CAPRIN2: variants seen among roughly 807,000 people sequenced by gnomAD.
The protein encoded by CAPRIN2 is caprin-2.
A neutral mutation model predicts 130.4 loss-of-function variants in CAPRIN2; 66 were observed. That is an observed-to-expected ratio of 0.51 (90% CI 0.42 to 0.62). CAPRIN2 has a LOEUF of 0.62. CAPRIN2 is among the 20% of genes least tolerant of loss of function. CAPRIN2 has a pLI of 0.00. For missense variants in CAPRIN2, 1,185 were observed against 1,246.6 expected, an observed-to-expected ratio of 0.95 and a Z score of 0.74; for synonymous variants, 471 against 444.1, an observed-to-expected ratio of 1.06 and a Z score of -0.76.
intron 13 of CAPRIN2, chr12:30,715,346 GAAGA>G: frequency 1.6e-6 from 1 of 639,078 alleles, no homozygotes; most frequent in South Asian, 1.6e-5. Context: ...CCTAAAAAAG[GAAGA>G]AAATTTTGAC....
At chr12:30,741,655 G>A (rs751180100) in intron 2 of CAPRIN2, among the ~76,000 whole-genome samples, 20 of 152,158 alleles carry the variant, frequency 1.3e-4, no homozygotes, top group Admixed American at 2.0e-4. Context: ...ACAGAAAAGA[G>A]GGGGGCATTT....
chr12:30,732,469 T>C (rs2063068172), intron 5 of CAPRIN2, among the ~76,000 whole-genome samples: 1 of 151,956 alleles, frequency 6.6e-6, no homozygotes, highest in South Asian at 2.1e-4. Context: ...TTTTAACAGA[T>C]ATTTAGTTGT....
Position 30,710,058 on chromosome 12 carries a change from G to A in CAPRIN2, c.3078C>T (p.Ala1026=), listed in dbSNP as rs1400936699. Reference sequence around the variant, plus strand: ...TTTCATGGTCTGGAGCACCATCATTGGCATAGGCTGATACCAAGACCTCTT... The same window carrying A: ...TTTCATGGTCTGGAGCACCATCATTAGCATAGGCTGATACCAAGACCTCTT... The change falls in exon 17 of 17, where the codon GCC becomes GCT. Residue 1026 remains alanine, a synonymous_variant. Transcript: ENST00000298892. This position sits in a 1 kb window ranked among gnomAD's most constrained non-coding sequence, Gnocchi z 4.8. 1 of 1,614,114 alleles carries A rather than the reference G, an allele frequency of 6.2e-7. No individual in the cohort carries two copies.
chr12:30,729,137 C>A, exon 8 of CAPRIN2: 1 of 1,613,942 alleles, frequency 6.2e-7, no homozygotes, highest in Non-Finnish European at 8.5e-7. Flanking sequence ...GCTTGGATAC[C>A]TCCTGGTGCT....
At chr12:30,740,293 T>C (rs2066840339) in intron 3 of CAPRIN2, among the ~76,000 whole-genome samples, 1 of 151,966 alleles carries the variant, frequency 6.6e-6, no homozygotes, top group South Asian at 2.1e-4. Context: ...AAAATATAAA[T>C]TTTTTTAATG....
At chr12:30,729,497 AC>A (rs1233659476) in intron 7 of CAPRIN2, among the ~76,000 whole-genome samples, 172 bp from the exon 9 acceptor site, 1 of 152,074 alleles carries the variant, frequency 6.6e-6, no homozygotes, top group Non-Finnish European at 1.5e-5. Context: ...CTACTTTCCT[AC>A]TTTTCTGTCC....
intron 8 of CAPRIN2, among the ~76,000 whole-genome samples, chr12:30,726,522 A>G (rs765359659): frequency 2.6e-5 from 4 of 152,334 alleles, no homozygotes; most frequent in South Asian, 2.1e-4. Context: ...AAATACATAT[A>G]TAAGTACATA....
At chr12:30,748,689 C>T (rs2072012616) in intron 2 of CAPRIN2, among the ~76,000 whole-genome samples, 1 of 152,102 alleles carries the variant, frequency 6.6e-6, no homozygotes, top group Non-Finnish European at 1.5e-5. Context: ...GACTTATCTG[C>T]ATTTTCTAAA....
At chr12:30,751,671 A>C (rs1022961421) in intron 1 of CAPRIN2, 1 of 154,776 alleles carries the variant, frequency 6.5e-6, no homozygotes, top group African/African-American at 2.4e-5. Flanking sequence ...GAGGTTACGA[A>C]GTCCTACTCT....
intron 12 of CAPRIN2, 118 bp from the exon 14 acceptor site, chr12:30,719,343 G>T: frequency 9.2e-7 from 1 of 1,083,466 alleles, no homozygotes; most frequent in Non-Finnish European, 1.3e-6. Flanking sequence ...TTGGACACAG[G>T]AATGCAAAAG....
At chr12:30,711,523 G>C (rs7962761) in intron 16 of CAPRIN2, 43 bp downstream of exon 18, 28 of 1,439,366 alleles carry the variant, frequency 1.9e-5, no homozygotes, top group Non-Finnish European at 2.7e-5. Context: ...AAGAACTAGA[G>C]ACATGTGCTG....
In CAPRIN2 at chr12:30,724,229, T is replaced by C. The variant is rs1311940874; in HGVS notation, c.1987+141A>G. The C allele has an allele frequency of 6.7e-6, 4 of 597,944 alleles. No homozygotes were observed. In the East Asian group the frequency reaches 8.6e-5, roughly 13 times the overall value. The allele number at this position is 597,944 out of a possible 1,614,324, so 37.0% of individuals were successfully genotyped here. A position where few individuals can be genotyped will look rare whatever the true frequency, so the allele number is the denominator to read the frequency against. ...TAATGGTAATTTACCCACATATAAC[T>C]GGTAACAGATGGATACAGTTAGAAT... On this transcript the variant is annotated intron_variant, in intron 10 of 16. Coordinates refer to ENST00000298892, the Ensembl canonical transcript of CAPRIN2.
At position 30,715,047 on chromosome 12, in the gene CAPRIN2, T is replaced by C. The variant is rs777945447; in HGVS notation, c.2412A>G (p.Pro804=). The change falls in exon 14 of 17, where the codon CCA becomes CCG. Residue 804 remains proline, a synonymous_variant. Coordinates refer to ENST00000298892, the Ensembl canonical transcript of CAPRIN2. ...TAACAGATCCCCGGCTATTGACAAA[T>C]GGCTGAGTAGGTCTGGGAAACACAT... 19 of 1,614,050 alleles carry C rather than the reference T, an allele frequency of 1.2e-5. No homozygotes were observed. In the Admixed American group the frequency reaches 2.2e-4, roughly 18 times the overall value.
At chr12:30,712,525 T>C (rs2055334384) in intron 15 of CAPRIN2, among the ~76,000 whole-genome samples, 1 of 152,200 alleles carries the variant, frequency 6.6e-6, no homozygotes, top group Admixed American at 6.5e-5. Flanking sequence ...TATACACACC[T>C]GGCTCTGTAG....
At chr12:30,749,696 A>G (rs1318127174) in intron 2 of CAPRIN2, among the ~76,000 whole-genome samples, 1 of 152,212 alleles carries the variant, frequency 6.6e-6, no homozygotes, top group East Asian at 1.9e-4. Flanking sequence ...TTTGGGGAAC[A>G]GGGAAAAATT....
chr12:30,715,942 A>C (rs1284484951), intron 13 of CAPRIN2: 1 of 154,914 alleles, frequency 6.5e-6, no homozygotes, highest in African/African-American at 2.4e-5. Context: ...CAGTTAAAAA[A>C]CTCAATAGGG....
At chr12:30,724,546 T>C in intron 9 of CAPRIN2, 95 bp from the exon 11 acceptor site, 10 of 802,084 alleles carry the variant, frequency 1.2e-5, no homozygotes, top group Non-Finnish European at 1.9e-5. Flanking sequence ...TATAGTCTAT[T>C]AGCTACACAT....
chr12:30,730,437 T>A (rs1278526677), intron 6 of CAPRIN2, among the ~76,000 whole-genome samples, 155 bp from the exon 8 acceptor site: 1 of 152,254 alleles, frequency 6.6e-6, no homozygotes, highest in Non-Finnish European at 1.5e-5. Flanking sequence ...GGAATTATAT[T>A]CCTTGTTAGT....
intron 5 of CAPRIN2, among the ~76,000 whole-genome samples, chr12:30,732,396 TA>T (rs375276291): frequency 0.014 from 2,097 of 150,310 alleles, 45 homozygotes; most frequent in African/African-American, 0.048. Context: ...TTTTGTCTTT[TA>T]AAAAAAAAAT....
Sources: allele counts gnomAD v4.1 joint callset (sites outside exome capture counted in the v4.1 genomes callset), GRCh38; gene constraint gnomAD v4.1.1; non-coding constraint Gnocchi (gnomAD v3.1); transcripts MANE v1.5; gene names NCBI Gene and HGNC (gene_info 2026-07-23, HGNC 2026-07-21).